THAP4: variants seen among roughly 807,000 people sequenced by gnomAD.
THAP4 encodes the protein peroxynitrite isomerase THAP4.
THAP4 carries 18 observed loss-of-function variants against 48.1 expected under a neutral mutation model. That is an observed-to-expected ratio of 0.37 (90% CI 0.26 to 0.56). THAP4 has a LOEUF of 0.56. THAP4 is among the 20% of genes least tolerant of loss of function. The pLI, the probability that THAP4 is intolerant of heterozygous loss-of-function variation, is 0.78. For synonymous variants in THAP4, 345 were observed against 324.9 expected (o/e 1.06, Z -0.66); for missense variants, 656 against 774.9 (o/e 0.85, Z 1.82).
In THAP4 at chr2:241,610,659, GCC is replaced by G. The variant is rs1289370457; in HGVS notation, c.1241-4188_1241-4187del. ...ACTTGGCAGACGCCTCTCACCGGCAGCCTCTGCCTCCCCCTGGTCTTTCCCTC... is the reference window on the plus strand; with the variant it reads ...ACTTGGCAGACGCCTCTCACCGGCAGTCTGCCTCCCCCTGGTCTTTCCCTC... On this transcript the variant is annotated intron_variant, in intron 2 of 5. Transcript: ENST00000407315. This position sits in a 1 kb window ranked among gnomAD's most constrained non-coding sequence, Gnocchi z 4.2. Among the ~76,000 whole-genome samples the G allele has an allele frequency of 6.6e-6, 1 of 152,020 alleles. No individual in the cohort carries two copies. Among genetic ancestry groups the G allele is most frequent in the Non-Finnish European group, 1.5e-5 (1 of 67,996 alleles).
At chr2:241,619,995 GTGAGTCAGT>G (rs2067401338) in intron 2 of THAP4, among the ~76,000 whole-genome samples, 1 of 96,508 alleles carries the variant, frequency 1.0e-5, no homozygotes. Flanking sequence ...TGAGGGGTGA[GTGAGTCAGT>G]GAGTGAGGGA....
chr2:241,624,552 C>T (rs950867071), intron 2 of THAP4, among the ~76,000 whole-genome samples: 28 of 152,108 alleles, frequency 1.8e-4, no homozygotes, highest in Non-Finnish European at 2.9e-4. Context: ...GGAAGGGTCT[C>T]GGGCAAGGGG....
intron 3 of THAP4, among the ~76,000 whole-genome samples, chr2:241,605,397 T>G (rs1335738923): frequency 6.6e-6 from 1 of 152,172 alleles, no homozygotes; most frequent in East Asian, 1.9e-4. Context: ...GCTTTTTATA[T>G]TTTGTTTAAA....
At position 241,601,685 on chromosome 2, in the gene THAP4, A is replaced by T. The variant is rs941589007; in HGVS notation, c.1614+211T>A. 1.2e-6 allele frequency: 1 copy of T among 839,520 alleles called. No individual in the cohort carries two copies. Among genetic ancestry groups the T allele is most frequent in the African/African-American group, 1.7e-5 (1 of 58,580 alleles). 52.0% of individuals were successfully genotyped at this position (839,520 alleles called of 1,614,324 possible). ...TGTGACAAACAACAAACCTCAAAAA[A>T]ACCACACCACTGACCAGCCGAGGAG... On this transcript the variant is annotated intron_variant, in intron 5 of 5. Transcript: ENST00000407315. This position sits in a 1 kb window ranked among gnomAD's most constrained non-coding sequence, Gnocchi z 4.0.
chr2:241,610,795 A>T lies in THAP4; in HGVS notation c.1241-4322T>A, dbSNP rs566977774. Among the ~76,000 whole-genome samples the T allele has an allele frequency of 6.6e-6, 1 of 152,172 alleles. No individual in the cohort carries two copies. Among genetic ancestry groups the T allele is most frequent in the East Asian group, 1.9e-4 (1 of 5,144 alleles). ...TTAAATGGGGAAGAAAGACGGACAG[A>T]GCCAGGGACAGCGAGAGACGGGACG... On this transcript the variant is annotated intron_variant, in intron 2 of 5. Transcript: ENST00000407315. The surrounding 1 kb of genome is among the most constrained non-coding windows in gnomAD (Gnocchi z 4.2).
chr2:241,622,489 C>T lies in THAP4; in HGVS notation c.1240+10428G>A, dbSNP rs546388592. Among the ~76,000 whole-genome samples the T allele has an allele frequency of 2.2e-4, 34 of 151,714 alleles. No homozygotes were observed. The Middle Eastern group carries it at 0.014, about 61-fold the overall frequency. ...CTTCAGGGAGAAGGAATATGATATACGTCAGAAACTAAAATGTATGTAAAA... is the reference window on the plus strand; with the variant it reads ...CTTCAGGGAGAAGGAATATGATATATGTCAGAAACTAAAATGTATGTAAAA... On this transcript the variant is annotated intron_variant, in intron 2 of 5. Transcript: ENST00000407315.
rs1374820419 is a variant in THAP4 at position 241,612,621 on chromosome 2, C to T, written c.1241-6148G>A. Among the ~76,000 whole-genome samples, 1 of 152,226 alleles carries T rather than the reference C, an allele frequency of 6.6e-6. No homozygotes were observed. The highest frequency in any genetic ancestry group is 1.5e-5 in the Non-Finnish European group (1 of 68,032). ...TGAAGCACTAATATAAGCTGCAATT[C>T]AAATGGCCCTTGACAACACACCATA... On this transcript the variant is annotated intron_variant, in intron 2 of 5. Transcript: ENST00000407315. This position sits in a 1 kb window ranked among gnomAD's most constrained non-coding sequence, Gnocchi z 4.1.
At chr2:241,588,809 C>T (rs2066921944) in intron 5 of THAP4, among the ~76,000 whole-genome samples, 1 of 152,142 alleles carries the variant, frequency 6.6e-6, no homozygotes, top group South Asian at 2.1e-4. Flanking sequence ...AACTATAAAA[C>T]TTCTTGAAGA....
intron 5 of THAP4, among the ~76,000 whole-genome samples, chr2:241,598,584 C>T (rs2067077739): frequency 1.3e-5 from 2 of 152,086 alleles, no homozygotes; most frequent in Non-Finnish European, 1.5e-5. Context: ...GATCATTAGG[C>T]ATTAGATTCT....
In THAP4 at chr2:241,595,324, A is replaced by G. The variant is rs201506511; in HGVS notation, c.1614+6572T>C. Among the ~76,000 whole-genome samples, 3 of 152,132 alleles carry G rather than the reference A, an allele frequency of 2.0e-5. No individual in the cohort carries two copies. The East Asian group carries it at 5.8e-4, about 29-fold the overall frequency. ...GCCACCGCACTCAGCCCTGCATTATATCTTTAAAGAGCTGTTAAAAATACA... is the reference window on the plus strand; with the variant it reads ...GCCACCGCACTCAGCCCTGCATTATGTCTTTAAAGAGCTGTTAAAAATACA... On this transcript the variant is annotated intron_variant, in intron 5 of 5. Transcript: ENST00000407315.
chr2:241,623,132 AC>A (rs1424028474), intron 2 of THAP4, among the ~76,000 whole-genome samples: 4 of 152,028 alleles, frequency 2.6e-5, no homozygotes, highest in Non-Finnish European at 5.9e-5. Flanking sequence ...CTCCTGAATC[AC>A]TTGAACCAGG....
intron 3 of THAP4, among the ~76,000 whole-genome samples, chr2:241,605,960 T>C (rs2067178276): frequency 6.6e-6 from 1 of 152,190 alleles, no homozygotes. Context: ...GCAATCCTCC[T>C]GACTCAGCCT....
rs1393790249 is a variant in THAP4, at chr2:241,633,851, T to C, written c.306A>G (p.Arg102=). 3 of 1,613,646 alleles carry C rather than the reference T, an allele frequency of 1.9e-6. No homozygotes were observed. The highest frequency in any genetic ancestry group is 3.3e-5 in the Admixed American group (2 of 60,026). The part of the protein sequence containing the change: ...RGAGGHGRTR[R]KDASKATGGV... ...CCCCTGTGGCCTTGCTGGCATCTTT[T>C]CTCCGGGTGCGGCCATGGCCTCCAG... is the stretch of plus-strand genomic sequence containing the variant. Residue 102 remains arginine (R), a synonymous_variant, in exon 2 of 6, where the codon AGA becomes AGG. Transcript: ENST00000407315. The surrounding 1 kb of genome is among the most constrained non-coding windows in gnomAD (Gnocchi z 7.5).
chr2:241,587,924 A>G (rs1217796546), intron 5 of THAP4, among the ~76,000 whole-genome samples: 1 of 151,830 alleles, frequency 6.6e-6, no homozygotes, highest in Non-Finnish European at 1.5e-5. Flanking sequence ...TCAAAAAAAA[A>G]GAAAAAAATC....
At chr2:241,632,328 G>C (rs908654545) in intron 2 of THAP4, among the ~76,000 whole-genome samples, 3 of 152,048 alleles carry the variant, frequency 2.0e-5, no homozygotes, top group African/African-American at 7.2e-5. Flanking sequence ...TCGAACTCCT[G>C]ACCTCAAGTG....
chr2:241,585,934 A>G (rs1412638745), intron 5 of THAP4, among the ~76,000 whole-genome samples: 2 of 148,184 alleles, frequency 1.3e-5, no homozygotes, highest in Admixed American at 6.8e-5. Context: ...AAAAAAGAAA[A>G]AAAAAAGAAA....
chr2:241,585,647 G>A (rs183319751), intron 5 of THAP4, among the ~76,000 whole-genome samples: 4 of 152,106 alleles, frequency 2.6e-5, no homozygotes, highest in Admixed American at 6.6e-5. Context: ...GGTTCAAGGG[G>A]TGGAGGCTGA....
chr2:241,593,921 A>C (rs1404465025), intron 5 of THAP4, among the ~76,000 whole-genome samples: 1 of 152,144 alleles, frequency 6.6e-6, no homozygotes, highest in African/African-American at 2.4e-5. Flanking sequence ...CCTGGGCTCA[A>C]GTGATCTCCT....
At chr2:241,624,154 GTTTA>G (rs770440472) in intron 2 of THAP4, among the ~76,000 whole-genome samples, 9 of 152,198 alleles carry the variant, frequency 5.9e-5, no homozygotes, top group Non-Finnish European at 1.3e-4. Context: ...CAGAAAAAGA[GTTTA>G]TTTACTAATA....
Sources: gnomAD v4.1 joint callset for allele counts (sites outside exome capture counted in the v4.1 genomes callset) on GRCh38, gnomAD v4.1.1 for gene constraint, Gnocchi (gnomAD v3.1) non-coding constraint, MANE v1.5 for transcripts, NCBI Gene and HGNC (gene_info 2026-07-23, HGNC 2026-07-21) for gene names.